The following FBLN2 variants were observed in gnomAD, a reference collection of about 807,000 sequenced individuals.
FBLN2 encodes the protein fibulin-2.
FBLN2 carries 81 observed loss-of-function variants against 123.7 expected under a neutral mutation model. That is an observed-to-expected ratio of 0.65 (90% CI 0.55 to 0.79). FBLN2 has a LOEUF of 0.79. Ranked by LOEUF, FBLN2 falls within the 30% of genes least tolerant of loss-of-function variation. The probability of loss-of-function intolerance (pLI) is 0.00; values close to 1 mark genes in which losing one functional copy is unlikely to be tolerated. For synonymous variants in FBLN2, 699 were observed against 701.4 expected (o/e 1.00, Z 0.05); for missense variants, 1,603 against 1,681.3 (o/e 0.95, Z 0.81).
intron 16 of FBLN2, 42 bp from the exon 17 acceptor site, chr3:13,636,403 C>T (rs1487113538): frequency 2.5e-6 from 4 of 1,606,736 alleles, no homozygotes; most frequent in African/African-American, 1.3e-5. Context: ...GGCTGGGTCC[C>T]CCAGCTGTGG....
chr3:13,633,245 C>T (rs549862144), intron 16 of FBLN2, among the ~76,000 whole-genome samples: 58 of 152,384 alleles, frequency 3.8e-4, no homozygotes, highest in African/African-American at 9.1e-4. Context: ...CTCTCCTGCC[C>T]GGGCTTGCCC....
chr3:13,576,719 A>ACCCC (rs1455636369), intron 2 of FBLN2, among the ~76,000 whole-genome samples: 1 of 110,810 alleles, frequency 9.0e-6, no homozygotes, highest in African/African-American at 4.8e-5. Flanking sequence ...GGTCAGGGGG[A>ACCCC]TCCCCCCCCC....
intron 2 of FBLN2, among the ~76,000 whole-genome samples, chr3:13,579,443 G>A: frequency 6.6e-6 from 1 of 152,218 alleles, no homozygotes; most frequent in Non-Finnish European, 1.5e-5. Context: ...CCCTGAAAGG[G>A]TCTTGGAGAC....
chr3:13,604,170 C>G (rs1413613989), intron 2 of FBLN2, among the ~76,000 whole-genome samples: 4 of 152,252 alleles, frequency 2.6e-5, no homozygotes, highest in Non-Finnish European at 5.9e-5. Flanking sequence ...AAATTTTCTC[C>G]CATTCTGTAG....
chr3:13,626,403 C>T (rs1295922003), intron 9 of FBLN2, 42 bp from the exon 10 acceptor site: 4 of 1,528,342 alleles, frequency 2.6e-6, no homozygotes, highest in Admixed American at 1.9e-5. Context: ...AGCCACTGTC[C>T]TGGGGACTCT....
rs6805048 is a variant in FBLN2 at position 13,627,227 on chromosome 3, C to T, written c.2432-605C>T. On this transcript the variant is annotated intron_variant, in intron 10 of 17. Coordinates refer to ENST00000404922, the MANE Select transcript of FBLN2 (RefSeq NM_001004019.2). ...GAAGCTCCTGGGGAGGGTGTTCAGG[C>T]AGAGGGGGCAGCGTGCCAAGGCCTG... Among the ~76,000 whole-genome samples the T allele has an allele frequency of 8.7e-3, 1,322 of 152,060 alleles. 26 individuals are homozygous for T. Among genetic ancestry groups the T allele is most frequent in the African/African-American group, 0.029 (1,193 of 41,404 alleles).
At chr3:13,629,408 G>A in intron 13 of FBLN2, 116 bp downstream of exon 13, 1 of 1,361,086 alleles carries the variant, frequency 7.3e-7, no homozygotes, top group Non-Finnish European at 9.8e-7. Context: ...CCACCTGCTG[G>A]AGTCCACAAG....
chr3:13,624,370 T>C (rs1352133536), intron 9 of FBLN2, among the ~76,000 whole-genome samples: 1 of 152,006 alleles, frequency 6.6e-6, no homozygotes, highest in African/African-American at 2.4e-5. Flanking sequence ...TGTGGGAGGC[T>C]CTTGGGTTAT....
At chr3:13,588,753 T>C (rs763686961) in intron 2 of FBLN2, among the ~76,000 whole-genome samples, 6 of 152,252 alleles carry the variant, frequency 3.9e-5, no homozygotes, top group Non-Finnish European at 8.8e-5. Context: ...TTTTTATCAA[T>C]CATTATTTAT....
intron 16 of FBLN2, 67 bp from the exon 17 acceptor site, chr3:13,636,378 G>A: frequency 6.3e-7 from 1 of 1,588,900 alleles, no homozygotes; most frequent in Non-Finnish European, 8.6e-7. Context: ...CTTTCATGCA[G>A]GCTGGGGAGT....
At chr3:13,575,387 C>T (rs970498542) in intron 2 of FBLN2, among the ~76,000 whole-genome samples, 1 of 152,064 alleles carries the variant, frequency 6.6e-6, no homozygotes, top group African/African-American at 2.4e-5. Flanking sequence ...TCATCCTCTA[C>T]CCCTGGGTCC....
At chr3:13,612,042 C>T (rs1295221427) in intron 4 of FBLN2, among the ~76,000 whole-genome samples, 3 of 152,122 alleles carry the variant, frequency 2.0e-5, no homozygotes, top group Non-Finnish European at 2.9e-5. Context: ...TTGAAGAAGC[C>T]CAAGGTCTCA....
chr3:13,576,724 C>A (rs1363413330), intron 2 of FBLN2, among the ~76,000 whole-genome samples: 1 of 151,784 alleles, frequency 6.6e-6, no homozygotes, highest in Admixed American at 6.6e-5. Context: ...GGGGGATCCC[C>A]CCCCCCCGGG....
At chr3:13,637,520 G>C in intron 17 of FBLN2, 42 bp from the exon 18 acceptor site, 9 of 1,522,536 alleles carry the variant, frequency 5.9e-6, no homozygotes, top group Non-Finnish European at 8.0e-6. Flanking sequence ...GGGATGAGGG[G>C]GGTGGGCGAG....
At chr3:13,550,384 A>G (rs923585798) in intron 1 of FBLN2, among the ~76,000 whole-genome samples, 2 of 152,134 alleles carry the variant, frequency 1.3e-5, no homozygotes, top group African/African-American at 4.8e-5. Flanking sequence ...TTTTGCTGCC[A>G]CAAGGAGTTG....
rs144394620 is a variant in FBLN2, at chr3:13,602,170, G to A, written c.1307-5892G>A. Among the ~76,000 whole-genome samples, 52 of 152,226 alleles carry A rather than the reference G, an allele frequency of 3.4e-4. No individual in the cohort carries two copies. The South Asian group carries it at 8.7e-3, about 26-fold the overall frequency. On this transcript the variant is annotated intron_variant, in intron 2 of 17. Transcript: ENST00000404922. ...CTTTATAGATTTGGAAGTTACTTTC[G>A]TGTATGGTGTGATGTGGGTCCCAGC... is the stretch of plus-strand genomic sequence containing the variant.
intron 1 of FBLN2, among the ~76,000 whole-genome samples, chr3:13,561,164 C>T (rs1336327817): frequency 6.6e-6 from 1 of 152,148 alleles, no homozygotes; most frequent in Non-Finnish European, 1.5e-5. Flanking sequence ...CCTACATTTG[C>T]AGTCCCTAAA....
chr3:13,613,926 G>A, intron 4 of FBLN2, 58 bp from the exon 5 acceptor site: 2 of 1,559,732 alleles, frequency 1.3e-6, no homozygotes, highest in Middle Eastern at 1.8e-4. Flanking sequence ...TCCCTCCCCT[G>A]AGCCTAGCTC....
At chr3:13,549,993 T>C (rs1703279101) in intron 1 of FBLN2, among the ~76,000 whole-genome samples, 1 of 152,168 alleles carries the variant, frequency 6.6e-6, no homozygotes, top group African/African-American at 2.4e-5. Flanking sequence ...CACACAGGGG[T>C]AGCTATCACA....
Sources: gnomAD v4.1 joint callset for allele counts (sites outside exome capture counted in the v4.1 genomes callset) on GRCh38, gnomAD v4.1.1 for gene constraint, MANE v1.5 for transcripts, NCBI Gene and HGNC (gene_info 2026-07-23, HGNC 2026-07-21) for gene names.